Variants in SCHIP1 observed in about 807,000 individuals in gnomAD.
SCHIP1 encodes the protein schwannomin interacting protein 1.
SCHIP1 carries 8 observed loss-of-function variants against 29.7 expected under a neutral mutation model. The observed-to-expected ratio is 0.27, with a 90% CI of 0.16 to 0.49. The LOEUF is 0.49. SCHIP1 is among the 20% of genes least tolerant of loss of function. The pLI, the probability that SCHIP1 is intolerant of heterozygous loss-of-function variation, is 0.99. For missense variants in SCHIP1, 193 were observed against 294.6 expected, an observed-to-expected ratio of 0.66 and a Z score of 2.52; for synonymous variants, 76 against 94.9, an observed-to-expected ratio of 0.80 and a Z score of 1.16.
chr3:159,454,171 A>G, the SCHIP1 span, among the ~76,000 whole-genome samples: 2 of 152,262 alleles, frequency 1.3e-5, no homozygotes, highest in African/African-American at 4.8e-5. Flanking sequence ...CCTGAAAAGA[A>G]TAACAATGCC....
the SCHIP1 span, among the ~76,000 whole-genome samples, chr3:159,321,092 G>A: frequency 6.6e-6 from 1 of 152,150 alleles, no homozygotes; most frequent in African/African-American, 2.4e-5. Flanking sequence ...AGCCTCCCAA[G>A]TAGCTGGGAT....
chr3:159,292,584 G>GA, the SCHIP1 span, among the ~76,000 whole-genome samples: 1 of 152,178 alleles, frequency 6.6e-6, no homozygotes. Flanking sequence ...GGGGAACCCA[G>GA]AAAGTAGAAC....
chr3:159,628,111 T>C, the SCHIP1 span, among the ~76,000 whole-genome samples: 1 of 152,006 alleles, frequency 6.6e-6, no homozygotes, highest in Admixed American at 6.6e-5. Flanking sequence ...AACTGAGGAG[T>C]GGAGTTTTTA....
the SCHIP1 span, among the ~76,000 whole-genome samples, chr3:159,284,228 A>T: frequency 4.6e-5 from 7 of 152,262 alleles, no homozygotes; most frequent in Middle Eastern, 3.4e-3. Flanking sequence ...CATGGTTATT[A>T]GATATTCAGG....
chr3:159,506,647 G>A, the SCHIP1 span, among the ~76,000 whole-genome samples: 22 of 152,270 alleles, frequency 1.4e-4, no homozygotes, highest in African/African-American at 4.8e-4. Flanking sequence ...TTTTGTATAA[G>A]GTATAAGGAA....
At chr3:159,762,647 C>T in the SCHIP1 span, among the ~76,000 whole-genome samples, 1 of 152,114 alleles carries the variant, frequency 6.6e-6, no homozygotes, top group East Asian at 1.9e-4. Flanking sequence ...AGGGCATTTC[C>T]TAGTTTCCCA....
chr3:159,368,157 A>G, the SCHIP1 span, among the ~76,000 whole-genome samples: 2 of 152,150 alleles, frequency 1.3e-5, no homozygotes, highest in African/African-American at 4.8e-5. Flanking sequence ...AATTATTGCC[A>G]TTAAGTACCT....
At chr3:159,601,815 T>G in the SCHIP1 span, among the ~76,000 whole-genome samples, 1 of 152,248 alleles carries the variant, frequency 6.6e-6, no homozygotes, top group South Asian at 2.1e-4. Flanking sequence ...TGCAGCACCT[T>G]TGGCTCTAGC....
the SCHIP1 span, among the ~76,000 whole-genome samples, chr3:159,644,154 C>T: frequency 2.0e-5 from 3 of 152,056 alleles, no homozygotes; most frequent in Non-Finnish European, 4.4e-5. Flanking sequence ...GTAATGTACT[C>T]TAATAGAGAA....
chr3:159,298,247 T>C, the SCHIP1 span, among the ~76,000 whole-genome samples: 2 of 152,200 alleles, frequency 1.3e-5, no homozygotes, highest in African/African-American at 4.8e-5. Flanking sequence ...CAATTTACAT[T>C]CCTGGTGTCC....
At chr3:159,732,170 C>T in the SCHIP1 span, among the ~76,000 whole-genome samples, 13 of 152,320 alleles carry the variant, frequency 8.5e-5, no homozygotes, top group African/African-American at 2.9e-4. Context: ...TATTAAATTG[C>T]CTACTATGTG....
chr3:159,676,183 T>C, the SCHIP1 span, among the ~76,000 whole-genome samples: 3 of 152,102 alleles, frequency 2.0e-5, no homozygotes, highest in South Asian at 6.2e-4. Flanking sequence ...ATGGGAGGGG[T>C]ACTGGGCTCC....
the SCHIP1 span, among the ~76,000 whole-genome samples, chr3:159,379,086 CA>C: frequency 1.3e-5 from 2 of 152,148 alleles, no homozygotes; most frequent in Non-Finnish European, 2.9e-5. Context: ...GACAATAAAT[CA>C]AAACCTTAGG....
the SCHIP1 span, among the ~76,000 whole-genome samples, chr3:159,305,388 G>A: frequency 6.6e-6 from 1 of 152,204 alleles, no homozygotes; most frequent in Non-Finnish European, 1.5e-5. Flanking sequence ...AGGCTGACAG[G>A]TGTGAACTTC....
At chr3:159,273,648 G>T in the SCHIP1 span, 1 of 1,365,792 alleles carries the variant, frequency 7.3e-7, no homozygotes, top group Non-Finnish European at 9.5e-7. Flanking sequence ...AGCTGCTTGA[G>T]CATGGTGGTT....
chr3:159,892,395 C>T (rs187467526), intron 6 of SCHIP1: 5 of 621,156 alleles, frequency 8.0e-6, no homozygotes, highest in African/African-American at 3.7e-5. Flanking sequence ...AACCATCCCC[C>T]CCTTGTGATG....
chr3:159,639,968 G>A, the SCHIP1 span, among the ~76,000 whole-genome samples: 1 of 152,114 alleles, frequency 6.6e-6, no homozygotes, highest in African/African-American at 2.4e-5. Flanking sequence ...AAATATTTTT[G>A]CTATGCTTTT....
chr3:159,366,793 T>C, the SCHIP1 span, among the ~76,000 whole-genome samples: 14 of 152,188 alleles, frequency 9.2e-5, no homozygotes, highest in Non-Finnish European at 1.9e-4. Context: ...GTAGATTGCA[T>C]GGGACAGCAA....
the SCHIP1 span, among the ~76,000 whole-genome samples, chr3:159,680,070 TACTTCTTA>T: frequency 6.6e-6 from 1 of 152,084 alleles, no homozygotes; most frequent in Non-Finnish European, 1.5e-5. Flanking sequence ...CTACGTGCGT[TACTTCTTA>T]ACCAGTTCAT....
Sources: gnomAD v4.1 joint callset for allele counts (sites outside exome capture counted in the v4.1 genomes callset) on GRCh38, gnomAD v4.1.1 for gene constraint, MANE v1.5 for transcripts, NCBI Gene and HGNC (gene_info 2026-07-23, HGNC 2026-07-21) for gene names.